GAB2: variants seen among roughly 807,000 people sequenced by gnomAD.
The protein encoded by GAB2 is GRB2-associated-binding protein 2.
Under a neutral mutation model 65.5 loss-of-function variants are expected in GAB2, and 26 were observed. That is an observed-to-expected ratio of 0.40 (90% confidence interval 0.29 to 0.55). The LOEUF is 0.55. Ranked by LOEUF, GAB2 falls within the 20% of genes least tolerant of loss-of-function variation. The pLI, the probability that GAB2 is intolerant of heterozygous loss-of-function variation, is 0.53. For missense variants in GAB2, 884 were observed against 875.8 expected (o/e 1.01, Z -0.12); for synonymous variants, 321 against 329.6 (o/e 0.97, Z 0.28).
rs73496751 is a variant in GAB2, at chr11:78,277,529, T to C, written c.376+3072A>G. ...AGCTTTCTGATACCATCTCAGGAGA[T>C]AGGCAAGTCTCAAGCACGCACACTA... is the stretch of plus-strand genomic sequence containing the variant. On this transcript the variant is annotated intron_variant, in intron 2 of 9. Coordinates refer to ENST00000361507, the MANE Select transcript of GAB2 (RefSeq NM_080491.3). Among the ~76,000 whole-genome samples the C allele has an allele frequency of 2.8e-3, 422 of 152,336 alleles. 4 individuals carry two copies. The highest frequency in any genetic ancestry group is 9.7e-3 in the African/African-American group (404 of 41,592).
At chr11:78,277,676 T>C (rs534165980) in intron 2 of GAB2, among the ~76,000 whole-genome samples, 1 of 152,292 alleles carries the variant, frequency 6.6e-6, no homozygotes, top group South Asian at 2.1e-4. Flanking sequence ...ATGCAGCCCC[T>C]CCTAAGTGCT....
rs1277903224 is a variant in GAB2 at position 78,219,193 on chromosome 11, G to A, written c.*79C>T. 1.5e-6 allele frequency: 2 copies of A among 1,349,666 alleles called. No homozygotes were observed. Among genetic ancestry groups the A allele is most frequent in the African/African-American group, 1.4e-5 (1 of 69,764 alleles). The allele number at this position is 1,349,666 out of a possible 1,614,324, so 83.6% of individuals were successfully genotyped here. A position where few individuals can be genotyped will look rare whatever the true frequency, so the allele number is the denominator to read the frequency against. On this transcript the variant is annotated 3_prime_UTR_variant, in exon 10 of 10. Transcript: ENST00000361507. ...GTAGAGAGGAGGTGGATGGGAGGAA[G>A]AACGGGAGAGGGGAGAGGGGAGATG... is the stretch of plus-strand genomic sequence containing the variant.
chr11:78,230,725 T>G (rs2510033), intron 3 of GAB2, among the ~76,000 whole-genome samples: 24,058 of 152,270 alleles, frequency 0.16, 2,419 homozygotes, highest in East Asian at 0.4. Context: ...AACAAGGGAC[T>G]CTTGCCCAAA....
intron 1 of GAB2, among the ~76,000 whole-genome samples, chr11:78,401,802 A>G (rs1172905970): frequency 3.3e-5 from 5 of 152,184 alleles, no homozygotes; most frequent in African/African-American, 9.7e-5. Context: ...GTTCTGATCC[A>G]ATGTGAATGA....
At chr11:78,384,215 TGA>T (rs1462143661) in intron 1 of GAB2, among the ~76,000 whole-genome samples, 2 of 152,136 alleles carry the variant, frequency 1.3e-5, no homozygotes, top group African/African-American at 2.4e-5. Flanking sequence ...CAAATGATAA[TGA>T]GAGAGCTGAA....
intron 1 of GAB2, among the ~76,000 whole-genome samples, chr11:78,331,081 G>A (rs143590320): frequency 0.048 from 7,309 of 151,860 alleles, 544 homozygotes; most frequent in African/African-American, 0.17. Context: ...AGGCTGAGGC[G>A]GGACAATTGC....
intron 1 of GAB2, among the ~76,000 whole-genome samples, chr11:78,415,386 A>G (rs1485428533): frequency 6.6e-6 from 1 of 152,210 alleles, no homozygotes; most frequent in East Asian, 1.9e-4. Flanking sequence ...CTTGGTTCTA[A>G]TGAACTCGGG....
intron 1 of GAB2, among the ~76,000 whole-genome samples, chr11:78,354,221 T>C (rs145374764): frequency 1.6e-3 from 241 of 152,318 alleles, no homozygotes; most frequent in Non-Finnish European, 2.6e-3. Context: ...TACCTCCTCA[T>C]AATCATCAGG....
chr11:78,274,059 C>G (rs1228624159), intron 2 of GAB2, among the ~76,000 whole-genome samples: 1 of 151,910 alleles, frequency 6.6e-6, no homozygotes, highest in South Asian at 2.1e-4. Context: ...TTTTTATCAG[C>G]AGTATGAAAA....
At chr11:78,296,793 T>G (rs1029496450) in intron 1 of GAB2, among the ~76,000 whole-genome samples, 3 of 152,220 alleles carry the variant, frequency 2.0e-5, no homozygotes, top group Non-Finnish European at 4.4e-5. Flanking sequence ...TACCTCAGAC[T>G]GTTATTTATA....
chr11:78,346,311 T>A (rs926591169), intron 1 of GAB2, among the ~76,000 whole-genome samples: 1 of 152,114 alleles, frequency 6.6e-6, no homozygotes, highest in African/African-American at 2.4e-5. Flanking sequence ...TTATTCAGAC[T>A]TTTTATGAGT....
chr11:78,333,390 G>C (rs1004797132), intron 1 of GAB2, among the ~76,000 whole-genome samples: 2 of 152,032 alleles, frequency 1.3e-5, no homozygotes, highest in Admixed American at 6.6e-5. Flanking sequence ...TTAGCATCCC[G>C]AGAGCTAGGA....
intron 3 of GAB2, among the ~76,000 whole-genome samples, chr11:78,238,800 A>T (rs1473015899): frequency 6.6e-6 from 1 of 152,206 alleles, no homozygotes. Context: ...ATCAGAATTA[A>T]AATATCTGTG....
intron 1 of GAB2, among the ~76,000 whole-genome samples, chr11:78,345,577 T>C (rs1236204352): frequency 6.6e-6 from 1 of 152,224 alleles, no homozygotes; most frequent in Non-Finnish European, 1.5e-5. Context: ...GCTACCTGAA[T>C]AATTTAGGGT....
intron 1 of GAB2, among the ~76,000 whole-genome samples, chr11:78,291,513 C>T (rs1866672518): frequency 7.0e-6 from 1 of 143,736 alleles, no homozygotes; most frequent in Non-Finnish European, 1.5e-5. Context: ...CAAGAGACTA[C>T]CTAAGGTCTA....
At chr11:78,244,043 AG>A (rs1462130691) in intron 3 of GAB2, among the ~76,000 whole-genome samples, 1 of 152,118 alleles carries the variant, frequency 6.6e-6, no homozygotes, top group Non-Finnish European at 1.5e-5. Flanking sequence ...AAAACAAAAA[AG>A]GGCCCAGCTA....
intron 3 of GAB2, among the ~76,000 whole-genome samples, chr11:78,234,696 G>C (rs1338060566): frequency 6.6e-6 from 1 of 151,138 alleles, no homozygotes; most frequent in African/African-American, 2.4e-5. Context: ...GTGATCTACA[G>C]GTTTTTGTCC....
intron 1 of GAB2, among the ~76,000 whole-genome samples, chr11:78,409,397 C>T (rs1398353719): frequency 6.6e-6 from 1 of 152,110 alleles, no homozygotes; most frequent in East Asian, 1.9e-4. Context: ...CCAGTCTGGC[C>T]AACATGGAGA....
intron 1 of GAB2, among the ~76,000 whole-genome samples, chr11:78,309,971 T>TGTGTGTGTGCGC (rs1421836447): frequency 1.2e-4 from 15 of 120,196 alleles, no homozygotes; most frequent in African/African-American, 5.3e-4. Context: ...TGTGTGTGTG[T>TGTGTGTGTGCGC]GCGCGCGCGC....
Sources: gnomAD v4.1 joint callset for allele counts (sites outside exome capture counted in the v4.1 genomes callset) on GRCh38, gnomAD v4.1.1 for gene constraint, MANE v1.5 for transcripts, NCBI Gene and HGNC (gene_info 2026-07-23, HGNC 2026-07-21) for gene names.